The following NRG2 variants were observed in gnomAD, a reference collection of about 807,000 sequenced individuals.
NRG2 encodes the protein pro-neuregulin-2, membrane-bound isoform.
A neutral mutation model predicts 73.9 loss-of-function variants in NRG2; 27 were observed. The ratio of observed to expected loss-of-function variants is 0.37; its 90% CI spans 0.27 to 0.50. NRG2 has a LOEUF of 0.50. Ranked by LOEUF, NRG2 falls within the 20% of genes least tolerant of loss-of-function variation. The pLI is 0.96. For synonymous variants in NRG2, 532 were observed against 541.0 expected (o/e 0.98, Z 0.23); for missense variants, 1,126 against 1,210.1 (o/e 0.93, Z 1.03).
rs940011768 is a variant in NRG2 at position 139,970,957 on chromosome 5, T to A, written c.700+71413A>T. 8.5e-5 allele frequency among the ~76,000 whole-genome samples: 13 copies of A among 152,268 alleles called. 1 individual carries two copies. The highest frequency in any genetic ancestry group is 2.1e-4 in the South Asian group (1 of 4,814). On this transcript the variant is annotated intron_variant, in intron 1 of 9. Transcript: ENST00000361474. Reference sequence around the variant, plus strand: ...CCATAACCAGTTTTTCTTTTTTTTTTATTTTTTCCCCTTGAGCTTTGAAAG... The same window carrying A: ...CCATAACCAGTTTTTCTTTTTTTTTAATTTTTTCCCCTTGAGCTTTGAAAG...
In NRG2 at chr5:139,847,947, CG is replaced by C. The variant is rs1561616529; in HGVS notation, c.2522del (p.Pro841ArgfsTer26). On this transcript the variant is annotated frameshift_variant, in exon 10 of 10. Coordinates refer to ENST00000361474, the MANE Select transcript of NRG2 (RefSeq NM_004883.3). LOFTEE classifies it high-confidence loss of function. ...ASSRHSRGPP[P>X]RAKQDSAPL ...GTGGCGCCGAGTCCTGCTTGGCCCG[CG>C]GGGGCGGCCCGCGGCTGTGTCTGCT... 2 of 1,502,994 alleles carry C rather than the reference CG, an allele frequency of 1.3e-6. No homozygotes were observed. Among genetic ancestry groups the C allele is most frequent in the Admixed American group, 2.2e-5 (1 of 46,294 alleles). The allele number at this position is 1,502,994 out of a possible 1,614,324, so 93.1% of individuals were successfully genotyped here.
chr5:139,944,769 C>T (rs1201943295), intron 1 of NRG2, among the ~76,000 whole-genome samples: 2 of 152,134 alleles, frequency 1.3e-5, no homozygotes, highest in African/African-American at 4.8e-5. Context: ...GGATAAACTC[C>T]CAGTAGTGAT....
At position 139,955,890 on chromosome 5, in the gene NRG2, T is replaced by C. The variant is rs539618006; in HGVS notation, c.701-68379A>G. On this transcript the variant is annotated intron_variant, in intron 1 of 9. Coordinates refer to ENST00000361474, the MANE Select transcript of NRG2 (RefSeq NM_004883.3). Reference sequence around the variant, plus strand: ...AGAATCAGCCCCATGGAGCCTGAGATAAGCCACTGAAACGTCCTCACCCTC... The same window carrying C: ...AGAATCAGCCCCATGGAGCCTGAGACAAGCCACTGAAACGTCCTCACCCTC... Among the ~76,000 whole-genome samples the C allele has an allele frequency of 6.6e-5, 10 of 152,266 alleles. No individual in the cohort carries two copies. The South Asian group carries it at 2.1e-3, about 32-fold the overall frequency.
chr5:139,974,085 AC>A (rs1388288368), intron 1 of NRG2, among the ~76,000 whole-genome samples: 5 of 152,204 alleles, frequency 3.3e-5, no homozygotes, highest in African/African-American at 9.7e-5. Flanking sequence ...ACTAGGAGCC[AC>A]TTACAATTCC....
At chr5:139,963,569 C>A (rs1401932994) in intron 1 of NRG2, among the ~76,000 whole-genome samples, 1 of 152,198 alleles carries the variant, frequency 6.6e-6, no homozygotes, top group Non-Finnish European at 1.5e-5. Flanking sequence ...ACCATTTATT[C>A]TTACCATGTG....
chr5:139,972,111 C>T (rs779798359), intron 1 of NRG2, among the ~76,000 whole-genome samples: 2 of 151,950 alleles, frequency 1.3e-5, no homozygotes, highest in Admixed American at 6.6e-5. Flanking sequence ...AGGACCAGTG[C>T]GTATATAAAA....
rs372923159 is a variant in NRG2 at position 139,853,400 on chromosome 5, CCT to C, written c.1293-375_1293-374del. 6.6e-6 allele frequency among the ~76,000 whole-genome samples: 1 copy of C among 151,874 alleles called. No individual in the cohort carries two copies. Among genetic ancestry groups the C allele is most frequent in the Non-Finnish European group, 1.5e-5 (1 of 68,010 alleles). ...AAACATTCAAGCACAGTGCTGACTC[CCT>C]CTCTCTCTCCCTCATTCATTAATTT... On this transcript the variant is annotated intron_variant, in intron 6 of 9. Transcript: ENST00000361474. This position sits in a 1 kb window ranked among gnomAD's most constrained non-coding sequence, Gnocchi z 4.1.
At chr5:139,893,053 A>AC (rs1764320854) in intron 1 of NRG2, among the ~76,000 whole-genome samples, 1 of 152,236 alleles carries the variant, frequency 6.6e-6, no homozygotes, top group African/African-American at 2.4e-5. Context: ...AAAATTACAC[A>AC]AGTAAGGAAA....
chr5:139,950,624 C>T (rs1037387640), intron 1 of NRG2, among the ~76,000 whole-genome samples: 5 of 152,198 alleles, frequency 3.3e-5, no homozygotes, highest in South Asian at 2.1e-4. Flanking sequence ...TCACAGCTGC[C>T]GCCTTTCCTG....
At chr5:139,914,038 C>T (rs113962903) in intron 1 of NRG2, among the ~76,000 whole-genome samples, 174 of 152,254 alleles carry the variant, frequency 1.1e-3, no homozygotes, top group African/African-American at 3.3e-3. Context: ...CCTGTAGTCC[C>T]AGCTACATGG....
chr5:139,926,822 C>T (rs1444218472), intron 1 of NRG2, among the ~76,000 whole-genome samples: 1 of 152,162 alleles, frequency 6.6e-6, no homozygotes, highest in African/African-American at 2.4e-5. Context: ...CGATTGAACC[C>T]CTACTCCCTC....
chr5:139,931,676 G>A (rs1752478354), intron 1 of NRG2, among the ~76,000 whole-genome samples: 1 of 151,970 alleles, frequency 6.6e-6, no homozygotes, highest in Admixed American at 6.6e-5. Context: ...AAACAAGTAG[G>A]GAATCTCAAC....
chr5:139,900,236 G>C (rs1764788006), intron 1 of NRG2, among the ~76,000 whole-genome samples: 2 of 152,210 alleles, frequency 1.3e-5, no homozygotes. Flanking sequence ...CCTCGGTTCT[G>C]ATCATAGGTA....
chr5:139,893,875 A>G (rs1764382774), intron 1 of NRG2, among the ~76,000 whole-genome samples: 1 of 152,200 alleles, frequency 6.6e-6, no homozygotes, highest in Non-Finnish European at 1.5e-5. Flanking sequence ...ACACCTCCCC[A>G]TGGTTGCCAT....
intron 1 of NRG2, among the ~76,000 whole-genome samples, chr5:139,959,311 T>C (rs1464476632): frequency 1.3e-5 from 2 of 152,226 alleles, no homozygotes; most frequent in East Asian, 3.9e-4. Flanking sequence ...GCGATTCTCC[T>C]GCCTCAGCCT....
intron 1 of NRG2, among the ~76,000 whole-genome samples, chr5:139,990,365 T>G (rs1002136382): frequency 6.6e-6 from 1 of 151,890 alleles, no homozygotes; most frequent in Non-Finnish European, 1.5e-5. Flanking sequence ...GGCAGTGGCA[T>G]GATCTTGGCT....
At chr5:139,936,178 TAAGC>T (rs762988270) in intron 1 of NRG2, among the ~76,000 whole-genome samples, 10 of 150,884 alleles carry the variant, frequency 6.6e-5, no homozygotes, top group African/African-American at 2.2e-4. Context: ...AATAATGAAA[TAAGC>T]AAGAAAATAA....
chr5:139,981,950 C>A (rs976016726), intron 1 of NRG2, among the ~76,000 whole-genome samples: 1 of 152,086 alleles, frequency 6.6e-6, no homozygotes, highest in African/African-American at 2.4e-5. Context: ...CTAGGGGTGG[C>A]GCTGGAGAAA....
chr5:139,899,913 G>A (rs998068015), intron 1 of NRG2, among the ~76,000 whole-genome samples: 5 of 152,172 alleles, frequency 3.3e-5, no homozygotes, highest in African/African-American at 1.2e-4. Context: ...ATGGTTAATC[G>A]TGGGACTTTC....
Sources: allele counts gnomAD v4.1 joint callset (sites outside exome capture counted in the v4.1 genomes callset), GRCh38; gene constraint gnomAD v4.1.1; non-coding constraint Gnocchi (gnomAD v3.1); transcripts MANE v1.5; gene names NCBI Gene and HGNC (gene_info 2026-07-23, HGNC 2026-07-21).